Variants in USP32 observed in about 807,000 individuals in gnomAD.
The protein encoded by USP32 is ubiquitin carboxyl-terminal hydrolase 32.
Under a neutral mutation model 204.8 loss-of-function variants are expected in USP32, and 59 were observed. The ratio of observed to expected loss-of-function variants is 0.29; its 90% CI spans 0.23 to 0.36. USP32 has a LOEUF of 0.36. Ranked by LOEUF, USP32 falls within the 10% of genes least tolerant of loss-of-function variation. The pLI, the probability that USP32 is intolerant of heterozygous loss-of-function variation, is 1.00. For missense variants in USP32, 1,160 were observed against 1,946.4 expected (o/e 0.60, Z 7.60); for synonymous variants, 517 against 678.4 (o/e 0.76, Z 3.70).
At chr17:60,383,306 G>A (rs2089677729) in intron 1 of USP32, among the ~76,000 whole-genome samples, 2 of 151,664 alleles carry the variant, frequency 1.3e-5, no homozygotes, top group Admixed American at 1.3e-4. Flanking sequence ...ATTTTGAGGT[G>A]GATACATATA....
chr17:60,382,840 T>C (rs759669513), intron 1 of USP32, among the ~76,000 whole-genome samples: 4 of 152,194 alleles, frequency 2.6e-5, no homozygotes, highest in Admixed American at 6.5e-5. Context: ...ATAAGTACAA[T>C]ACTTACCCCA....
intron 2 of USP32, among the ~76,000 whole-genome samples, chr17:60,342,037 G>C (rs1204197081): frequency 6.6e-6 from 1 of 152,090 alleles, no homozygotes; most frequent in Non-Finnish European, 1.5e-5. Context: ...CCATCTTTGT[G>C]GTTTTTATCT....
At chr17:60,399,842 C>G (rs2089923296) in intron 1 of USP32, among the ~76,000 whole-genome samples, 1 of 152,094 alleles carries the variant, frequency 6.6e-6, no homozygotes. Flanking sequence ...CTCTAAGGGC[C>G]AGCAAGGAAG....
chr17:60,274,184 A>G (rs1411727321), intron 5 of USP32, among the ~76,000 whole-genome samples: 3 of 152,126 alleles, frequency 2.0e-5, no homozygotes, highest in Non-Finnish European at 4.4e-5. Context: ...AATTCCCTAG[A>G]GGACTTAACA....
intron 1 of USP32, among the ~76,000 whole-genome samples, chr17:60,411,126 C>G (rs1291566476): frequency 6.6e-6 from 1 of 151,888 alleles, no homozygotes; most frequent in Non-Finnish European, 1.5e-5. Flanking sequence ...GTTGGGAGTT[C>G]AAGACCAGCC....
At chr17:60,219,996 C>T (rs1201001747) in intron 15 of USP32, among the ~76,000 whole-genome samples, 2 of 151,344 alleles carry the variant, frequency 1.3e-5, no homozygotes, top group African/African-American at 4.9e-5. Context: ...AAGATTATAA[C>T]TCCTTGTAGA....
chr17:60,372,543 TA>T (rs78554998), intron 1 of USP32, among the ~76,000 whole-genome samples: 1,818 of 121,644 alleles, frequency 0.015, 31 homozygotes, highest in African/African-American at 0.042. Context: ...GCCTTAAAGA[TA>T]AAAAAAAAAA....
At chr17:60,259,352 T>C (rs780402673) in intron 9 of USP32, among the ~76,000 whole-genome samples, 2 of 152,160 alleles carry the variant, frequency 1.3e-5, no homozygotes, top group South Asian at 2.1e-4. Context: ...GTTTGTATTG[T>C]AAACAATTCA....
chr17:60,357,067 A>T (rs1279299483), intron 1 of USP32, among the ~76,000 whole-genome samples: 1 of 152,234 alleles, frequency 6.6e-6, no homozygotes, highest in Non-Finnish European at 1.5e-5. Flanking sequence ...CAGCTGGGAC[A>T]ACAGAGTAAG....
At chr17:60,276,827 TGAAAAACA>T (rs1485129387) in intron 5 of USP32, among the ~76,000 whole-genome samples, 1 of 152,040 alleles carries the variant, frequency 6.6e-6, no homozygotes, top group East Asian at 1.9e-4. Context: ...TGGTCACCAG[TGAAAAACA>T]TCCTTTAGTG....
At chr17:60,358,937 G>C (rs949636415) in intron 1 of USP32, among the ~76,000 whole-genome samples, 1 of 152,178 alleles carries the variant, frequency 6.6e-6, no homozygotes, top group African/African-American at 2.4e-5. Context: ...ACAATAAATT[G>C]ATAAAAATTT....
chr17:60,264,188 C>A (rs975262124), intron 9 of USP32, among the ~76,000 whole-genome samples: 1 of 151,922 alleles, frequency 6.6e-6, no homozygotes, highest in African/African-American at 2.4e-5. Flanking sequence ...CTGGCTACCA[C>A]TAAAGGACAC....
chr17:60,390,076 A>G (rs1351705997), intron 1 of USP32, among the ~76,000 whole-genome samples: 4 of 152,202 alleles, frequency 2.6e-5, no homozygotes, highest in African/African-American at 4.8e-5. Flanking sequence ...AGATTTTGCT[A>G]TCTCTTCAAA....
At chr17:60,305,414 A>G (rs1321036535) in intron 2 of USP32, among the ~76,000 whole-genome samples, 1 of 152,174 alleles carries the variant, frequency 6.6e-6, no homozygotes, top group East Asian at 1.9e-4. Context: ...TGGGGAAAGC[A>G]CCCAGGCACT....
chr17:60,231,852 A>C (rs1458221205), intron 12 of USP32, among the ~76,000 whole-genome samples: 4 of 152,226 alleles, frequency 2.6e-5, no homozygotes, highest in African/African-American at 9.6e-5. Context: ...ATAAAGCTTG[A>C]CACATTAAAG....
At position 60,269,548 on chromosome 17, in the gene USP32, T is replaced by C. The variant is rs779024007; in HGVS notation, c.713A>G (p.Asn238Ser). The C allele has an allele frequency of 1.1e-5, 17 of 1,608,384 alleles. No individual in the cohort carries two copies. Among genetic ancestry groups the C allele is most frequent in the Non-Finnish European group, 8.5e-7 (1 of 1,178,240 alleles). ...ATTGTCACGATTTTCATCAAAAGCA[T>C]TAAACAAACCTGTAAAATAGGAAGA... The part of the protein sequence containing the change: ...IRPSLSEGLF[N>S]AFDENRDNHI... The change falls in exon 7 of 34, where the codon AAT becomes AGT. Residue 238 changes from asparagine to serine, a missense_variant. By Grantham distance (46) the Asn-to-Ser change is conservative. This residue lies in a region of USP32 where 536 missense variants were observed against 680.9 expected (regional missense o/e 0.79). Coordinates refer to ENST00000300896, the MANE Select transcript of USP32 (RefSeq NM_032582.4).
intron 1 of USP32, among the ~76,000 whole-genome samples, chr17:60,357,167 A>G (rs1477725544): frequency 6.6e-6 from 1 of 152,180 alleles, no homozygotes; most frequent in Non-Finnish European, 1.5e-5. Flanking sequence ...ACAACAAATG[A>G]AGAGGCCAGG....
At chr17:60,294,907 G>A in intron 3 of USP32, 106 bp from the exon 4 acceptor site, 1 of 630,432 alleles carries the variant, frequency 1.6e-6, no homozygotes. Flanking sequence ...GATTACTAGG[G>A]CCAAGCACCT....
intron 2 of USP32, among the ~76,000 whole-genome samples, chr17:60,340,682 A>G (rs781509496): frequency 1.3e-5 from 2 of 152,150 alleles, no homozygotes; most frequent in Non-Finnish European, 2.9e-5. Context: ...TAAGGTTAAT[A>G]TTGTTACATG....
Sources: allele counts gnomAD v4.1 joint callset (sites outside exome capture counted in the v4.1 genomes callset), GRCh38; gene constraint gnomAD v4.1.1; regional missense constraint gnomAD v4.1.1; transcripts MANE v1.5; gene names NCBI Gene and HGNC (gene_info 2026-07-23, HGNC 2026-07-21).